GABRG3: variants seen among roughly 807,000 people sequenced by gnomAD.
GABRG3 encodes gamma-aminobutyric acid receptor subunit gamma-3.
A neutral mutation model predicts 48.8 loss-of-function variants in GABRG3; 25 were observed. The ratio of observed to expected loss-of-function variants is 0.51; its 90% CI spans 0.37 to 0.72. The LOEUF is 0.72. Ranked by LOEUF, GABRG3 falls within the 30% of genes least tolerant of loss-of-function variation. The pLI is 0.00. For synonymous variants in GABRG3, 227 were observed against 217.6 expected (o/e 1.04, Z -0.38); for missense variants, 394 against 577.9 (o/e 0.68, Z 3.26).
intron 3 of GABRG3, among the ~76,000 whole-genome samples, chr15:27,148,356 A>G (rs939567709): frequency 2.6e-5 from 4 of 152,074 alleles, no homozygotes; most frequent in African/African-American, 9.6e-5. Context: ...TTTAGTAACC[A>G]GAAGCCTTAC....
chr15:27,476,416 CAAAGG>C (rs1298438909), intron 5 of GABRG3, among the ~76,000 whole-genome samples: 2 of 151,220 alleles, frequency 1.3e-5, no homozygotes, highest in Admixed American at 6.6e-5. Flanking sequence ...TTAAAAAAAT[CAAAGG>C]AAAGTATAAC....
chr15:27,308,830 C>T (rs1371005892), intron 3 of GABRG3, among the ~76,000 whole-genome samples: 1 of 149,536 alleles, frequency 6.7e-6, no homozygotes, highest in Non-Finnish European at 1.5e-5. Context: ...TGTAAACATA[C>T]GTTTATATAA....
intron 3 of GABRG3, among the ~76,000 whole-genome samples, chr15:27,122,424 A>G (rs12910555): frequency 0.28 from 42,671 of 152,184 alleles, 7,244 homozygotes; most frequent in Non-Finnish European, 0.37. Flanking sequence ...AAGCAAAGAA[A>G]CATGAAATAA....
chr15:27,212,083 A>T (rs1198669945), intron 3 of GABRG3, among the ~76,000 whole-genome samples: 1 of 152,208 alleles, frequency 6.6e-6, no homozygotes, highest in Non-Finnish European at 1.5e-5. Flanking sequence ...CCAAGGGATG[A>T]AAGGAAAATT....
intron 6 of GABRG3, among the ~76,000 whole-genome samples, chr15:27,502,166 C>T (rs571416914): frequency 1.3e-3 from 197 of 152,316 alleles, no homozygotes; most frequent in Non-Finnish European, 2.4e-3. Context: ...GTCTAAATTA[C>T]AACCATGGAT....
intron 3 of GABRG3, among the ~76,000 whole-genome samples, chr15:27,190,420 T>C (rs1888253897): frequency 6.6e-6 from 1 of 152,216 alleles, no homozygotes; most frequent in South Asian, 2.1e-4. Context: ...TATTGGTCTA[T>C]TCAGAGATTC....
intron 3 of GABRG3, among the ~76,000 whole-genome samples, chr15:27,212,587 G>C (rs554572862): frequency 6.6e-6 from 1 of 152,110 alleles, no homozygotes. Context: ...CACATCCACC[G>C]TACCATCTTA....
rs747533303 is a variant in GABRG3, at chr15:27,289,242, A to G, written c.271-37567A>G. On this transcript the variant is annotated intron_variant, in intron 3 of 9. Coordinates refer to ENST00000615808, the MANE Select transcript of GABRG3 (RefSeq NM_033223.5). ...TTTGTATTTGTACATTATTTCTTCA[A>G]TTGCTTTCCGCCCATTCTATGCCTC... 7.6e-4 allele frequency among the ~76,000 whole-genome samples: 113 copies of G among 148,164 alleles called. 1 individual carries two copies. The highest frequency in any genetic ancestry group is 3.2e-3 in the Middle Eastern group (1 of 308).
intron 3 of GABRG3, among the ~76,000 whole-genome samples, chr15:27,035,093 C>A (rs1005503606): frequency 7.2e-5 from 11 of 152,144 alleles, no homozygotes; most frequent in African/African-American, 2.7e-4. Context: ...ATGAAAGGAC[C>A]ACCACGCACA....
chr15:27,146,662 G>A (rs1332241589), intron 3 of GABRG3, among the ~76,000 whole-genome samples: 3 of 151,926 alleles, frequency 2.0e-5, no homozygotes, highest in Non-Finnish European at 4.4e-5. Flanking sequence ...AGTGAAGAGG[G>A]ATGGAACTAT....
rs1893630906 is a variant in GABRG3 at position 27,326,818 on chromosome 15, A to G, written c.280A>G (p.Ile94Val). Residue 94 changes from isoleucine (I) to valine (V), a missense_variant, in exon 4 of 10, where the codon ATT becomes GTT. Physicochemically the swap from Ile to Val is conservative, Grantham distance 29. Around this residue, in one of 3 missense-constraint regions of GABRG3, gnomAD observed 218 missense variants for 309.9 expected, o/e 0.70. Transcript: ENST00000615808. ...TTCTGCTCTGTTTCAGGAATACCAA[A>G]TTGACATATTTTTTGCTCAGACCTG... is the stretch of plus-strand genomic sequence containing the variant. ...PVSSINMEYQ[I>V]DIFFAQTWTD... 6.2e-7 allele frequency: 1 copy of G among 1,613,332 alleles called. No individual in the cohort carries two copies. The highest frequency in any genetic ancestry group is 1.3e-5 in the African/African-American group (1 of 75,042).
intron 2 of GABRG3, among the ~76,000 whole-genome samples, chr15:26,980,474 A>C (rs1353574268): frequency 2.0e-5 from 3 of 152,024 alleles, no homozygotes; most frequent in Non-Finnish European, 2.9e-5. Context: ...TCAGGAGATC[A>C]AGGCCATCCT....
chr15:27,411,469 A>G (rs374334547), intron 5 of GABRG3, among the ~76,000 whole-genome samples: 1 of 152,154 alleles, frequency 6.6e-6, no homozygotes, highest in Non-Finnish European at 1.5e-5. Flanking sequence ...TAAAATATTT[A>G]ATACCCCATA....
intron 3 of GABRG3, among the ~76,000 whole-genome samples, chr15:27,308,768 G>A (rs181410849): frequency 1.3e-3 from 192 of 149,128 alleles, no homozygotes; most frequent in African/African-American, 4.4e-3. Flanking sequence ...GTAAACATAC[G>A]TTTATATATA....
chr15:27,138,425 C>G (rs1898046888), intron 3 of GABRG3, among the ~76,000 whole-genome samples: 1 of 152,190 alleles, frequency 6.6e-6, no homozygotes, highest in African/African-American at 2.4e-5. Flanking sequence ...CTCTGTTTTT[C>G]CTTGGACTAA....
At chr15:27,456,442 C>T (rs1412883356) in intron 5 of GABRG3, among the ~76,000 whole-genome samples, 2 of 152,166 alleles carry the variant, frequency 1.3e-5, no homozygotes, top group African/African-American at 4.8e-5. Flanking sequence ...TGGCGCTGTG[C>T]TTTATTCACA....
chr15:26,992,731 A>G (rs990413174), intron 2 of GABRG3, among the ~76,000 whole-genome samples: 1 of 152,074 alleles, frequency 6.6e-6, no homozygotes, highest in Non-Finnish European at 1.5e-5. Flanking sequence ...TATTGACTTC[A>G]TAGAATGAAT....
chr15:27,364,725 A>C (rs1895133999), intron 5 of GABRG3: 3 of 152,304 alleles, frequency 2.0e-5, no homozygotes, highest in Admixed American at 6.5e-5. Context: ...ATTATTAAAA[A>C]GATTTGTATA....
chr15:27,465,109 G>T (rs1889565387), intron 5 of GABRG3, among the ~76,000 whole-genome samples: 1 of 152,196 alleles, frequency 6.6e-6, no homozygotes, highest in Non-Finnish European at 1.5e-5. Context: ...AGCCTGCACG[G>T]ATCAAGGGTG....
Sources: gnomAD v4.1 joint callset for allele counts (sites outside exome capture counted in the v4.1 genomes callset) on GRCh38, gnomAD v4.1.1 for gene constraint, gnomAD v4.1.1 regional missense constraint, MANE v1.5 for transcripts, NCBI Gene and HGNC (gene_info 2026-07-23, HGNC 2026-07-21) for gene names.